The following RAB23 variants were observed in gnomAD, a reference collection of about 807,000 sequenced individuals.
The protein encoded by RAB23 is RAB23, member RAS oncogene family, also known as ras-related protein Rab-23.
A neutral mutation model predicts 30.0 loss-of-function variants in RAB23; 15 were observed. The observed-to-expected ratio is 0.50, with a 90% CI of 0.33 to 0.77. RAB23 has a LOEUF of 0.77. Among genes scored for constraint, RAB23 ranks in the 30% least tolerant of loss-of-function variants. RAB23 has a pLI of 0.02. For synonymous variants in RAB23, 93 were observed against 94.0 expected (o/e 0.99, Z 0.06); for missense variants, 243 against 275.4 (o/e 0.88, Z 0.83).
rs982511042 is a variant in RAB23, at chr6:57,190,495, T to A, written c.680A>T (p.Asn227Ile). ...GCTACAGCTGCTAAAAGGATTTCTG[T>A]TTTTCTTGGTCCTTTGTTTGTTGGG... ...LRPNKQRTKK[N>I]RNPFSSCSIP Residue 227 changes from asparagine (N) to isoleucine (I), a missense_variant, in exon 7 of 7, where the codon AAC (asparagine) becomes ATC (isoleucine). Transcript: ENST00000468148. The A allele has an allele frequency of 1.2e-6, 2 of 1,613,986 alleles. No homozygotes were observed. Among genetic ancestry groups the A allele is most frequent in the African/African-American group, 2.7e-5 (2 of 74,918 alleles).
intron 3 of RAB23, among the ~76,000 whole-genome samples, chr6:57,199,558 C>T (rs1765160930): frequency 6.6e-6 from 1 of 151,990 alleles, no homozygotes; most frequent in Non-Finnish European, 1.5e-5. Context: ...ACTATTAAAC[C>T]ACAGGAGAAA....
intron 1 of RAB23, among the ~76,000 whole-genome samples, chr6:57,212,206 T>C (rs1163229246): frequency 6.6e-6 from 1 of 152,076 alleles, no homozygotes; most frequent in African/African-American, 2.4e-5. Context: ...TGAGGCCGCA[T>C]TCTCCCCGGG....
chr6:57,193,168 T>C (rs764643640), intron 6 of RAB23, among the ~76,000 whole-genome samples: 2 of 151,092 alleles, frequency 1.3e-5, no homozygotes, highest in African/African-American at 2.4e-5. Context: ...AGGTCTCTGA[T>C]GGCAAGAAAT....
chr6:57,201,662 A>G (rs1765274010), intron 3 of RAB23, among the ~76,000 whole-genome samples: 1 of 152,218 alleles, frequency 6.6e-6, no homozygotes, highest in African/African-American at 2.4e-5. Context: ...CTTATATTAA[A>G]TAAATTCATA....
rs554593620 is a variant in RAB23, at chr6:57,190,618, A to C, written c.575-18T>G. ...AAAGACACCTGTATAAATTGAGGGA[A>C]AAGAGTGATTGCCACTGACACGCCT... On this transcript the variant is annotated intron_variant, in intron 6 of 6. Coordinates refer to ENST00000468148, the MANE Select transcript of RAB23 (RefSeq NM_016277.5). 6.2e-7 allele frequency: 1 copy of C among 1,613,734 alleles called. No individual in the cohort carries two copies. Among genetic ancestry groups the C allele is most frequent in the East Asian group, 2.2e-5 (1 of 44,864 alleles).
intron 1 of RAB23, among the ~76,000 whole-genome samples, chr6:57,213,495 A>T (rs1765731149): frequency 6.6e-6 from 1 of 152,132 alleles, no homozygotes; most frequent in African/African-American, 2.4e-5. Context: ...CTCTACCTAA[A>T]CAATTCTTCA....
At chr6:57,197,051 A>T (rs1020664072) in intron 3 of RAB23, among the ~76,000 whole-genome samples, 9 of 152,204 alleles carry the variant, frequency 5.9e-5, no homozygotes, top group African/African-American at 2.2e-4. Context: ...GCGTAGATTT[A>T]AGAAAAATGT....
chr6:57,215,847 T>C (rs1345663962), intron 1 of RAB23, among the ~76,000 whole-genome samples: 3 of 152,116 alleles, frequency 2.0e-5, no homozygotes, highest in Non-Finnish European at 4.4e-5. Context: ...AGGAAAAATA[T>C]TTAAGACAAT....
intron 4 of RAB23, 78 bp downstream of exon 4, chr6:57,196,372 T>C: frequency 6.5e-7 from 1 of 1,548,610 alleles, no homozygotes; most frequent in Non-Finnish European, 8.9e-7. Flanking sequence ...TCCTAGAACC[T>C]GTAAAACTAT....
At chr6:57,206,779 C>CTTT (rs1364120289) in intron 3 of RAB23, among the ~76,000 whole-genome samples, 1 of 152,182 alleles carries the variant, frequency 6.6e-6, no homozygotes, top group Non-Finnish European at 1.5e-5. Context: ...CTTTAGAAAA[C>CTTT]AAGTTTTAAT....
chr6:57,216,834 C>CGCAGCATTTATAA (rs1554313122), intron 1 of RAB23, among the ~76,000 whole-genome samples: 28 of 151,846 alleles, frequency 1.8e-4, no homozygotes, highest in Non-Finnish European at 3.4e-4. Context: ...CAGACGTTGC[C>CGCAGCATTTATAA]GCGGCATTTA....
Position 57,194,822 on chromosome 6 carries a change from T to A in RAB23, c.429A>T (p.Leu143Phe), listed in dbSNP as rs1186623990. The A allele has an allele frequency of 6.2e-7, 1 of 1,613,406 alleles. No individual in the cohort carries two copies. Among genetic ancestry groups the A allele is most frequent in the Non-Finnish European group, 8.5e-7 (1 of 1,179,638 alleles). Residue 143 changes from leucine (L) to phenylalanine (F), a missense_variant, in exon 5 of 7, where the codon TTA becomes TTT. Transcript: ENST00000468148. Reference protein sequence around the residue: ...NEEAEALAKRLKLRFYRTSVK... With the variant: ...NEEAEALAKRFKLRFYRTSVK... ...CTGATGTTCTGTAGAATCTTAACTT[T>A]AACCTTTTTGCCAGTGCCTCAGCTT...
intron 1 of RAB23, 54 bp from the exon 2 acceptor site, chr6:57,210,499 C>CT: frequency 1.8e-6 from 2 of 1,136,700 alleles, no homozygotes; most frequent in Non-Finnish European, 1.3e-6. Flanking sequence ...ACAAAATAAA[C>CT]TAATTGTTTT....
chr6:57,220,945 G>C (rs996441436), intron 1 of RAB23, among the ~76,000 whole-genome samples: 16 of 152,130 alleles, frequency 1.1e-4, no homozygotes, highest in Admixed American at 7.9e-4. Flanking sequence ...TTGCTTTTCA[G>C]AAACTATAGA....
chr6:57,190,208 A>G lies in RAB23; in HGVS notation c.*253T>C. 4.7e-6 allele frequency: 2 copies of G among 424,728 alleles called. No homozygotes were observed. Among genetic ancestry groups the G allele is most frequent in the South Asian group, 5.7e-5 (2 of 34,942 alleles). 26.3% of individuals were successfully genotyped at this position (424,728 alleles called of 1,614,324 possible). On this transcript the variant is annotated 3_prime_UTR_variant, in exon 7 of 7. Transcript: ENST00000468148. The stretch of plus-strand genomic sequence containing the variant: ...AAAACCTGTGTTTGAAATTTCTTAT[A>G]GCATTCCTTTACAAACAGGAGAAGC...
intron 3 of RAB23, among the ~76,000 whole-genome samples, chr6:57,205,617 TCA>T (rs1170156956): frequency 1.3e-5 from 2 of 152,194 alleles, no homozygotes; most frequent in Admixed American, 6.5e-5. Flanking sequence ...ACAGAAAGTT[TCA>T]CAGAGACTTC....
At chr6:57,204,760 G>A (rs1430757752) in intron 3 of RAB23, among the ~76,000 whole-genome samples, 1 of 152,054 alleles carries the variant, frequency 6.6e-6, no homozygotes, top group Non-Finnish European at 1.5e-5. Context: ...AAAGAAGCCA[G>A]GGCAAGGTTT....
At position 57,206,255 on chromosome 6, in the gene RAB23, C is replaced by A. The variant is rs529682568; in HGVS notation, c.241+1373G>T. 3.9e-5 allele frequency among the ~76,000 whole-genome samples: 6 copies of A among 151,902 alleles called. No individual in the cohort carries two copies. In the East Asian group the frequency reaches 1.2e-3, roughly 29 times the overall value. On this transcript the variant is annotated intron_variant, in intron 3 of 6. Coordinates refer to ENST00000468148, the MANE Select transcript of RAB23 (RefSeq NM_016277.5). ...AAGCTGAAGAAGGAAAGAAGTAAAG[C>A]CATGTGGAAGGTCATATTTAAAAAG...
chr6:57,195,659 C>T (rs1177574849), intron 4 of RAB23, among the ~76,000 whole-genome samples: 1 of 152,188 alleles, frequency 6.6e-6, no homozygotes, highest in African/African-American at 2.4e-5. Context: ...AGGAGAGGCC[C>T]ATCTGACAAG....
Sources: gnomAD v4.1 joint callset for allele counts (sites outside exome capture counted in the v4.1 genomes callset) on GRCh38, gnomAD v4.1.1 for gene constraint, MANE v1.5 for transcripts, NCBI Gene and HGNC (gene_info 2026-07-23, HGNC 2026-07-21) for gene names.